MAP1B: variants seen among roughly 807,000 people sequenced by gnomAD.
The protein encoded by MAP1B is microtubule-associated protein 1B.
In MAP1B, 12 loss-of-function variants were observed where a neutral mutation model predicts 176.1. The ratio of observed to expected loss-of-function variants is 0.07; its 90% CI spans 0.04 to 0.11. The LOEUF (loss-of-function observed/expected upper bound fraction) is 0.11, where lower values mean the gene tolerates loss of function less well. Among genes scored for constraint, MAP1B ranks in the 10% least tolerant of loss-of-function variants. The pLI is 1.00. For missense variants in MAP1B, 2,523 were observed against 2,990.5 expected, an observed-to-expected ratio of 0.84 and a Z score of 3.65; for synonymous variants, 1,044 against 1,135.0, an observed-to-expected ratio of 0.92 and a Z score of 1.61.
chr5:72,167,294 A>T (rs905790855), intron 2 of MAP1B, among the ~76,000 whole-genome samples: 6 of 152,316 alleles, frequency 3.9e-5, no homozygotes, highest in African/African-American at 9.6e-5. Context: ...GATTTTTTTT[A>T]AAACAAGAAG....
At chr5:72,182,023 C>CTTTTTTTTTTTT (rs34251206) in intron 2 of MAP1B, among the ~76,000 whole-genome samples, 2 of 94,762 alleles carry the variant, frequency 2.1e-5, no homozygotes, top group Non-Finnish European at 4.0e-5. Flanking sequence ...CGCACCTGGC[C>CTTTTTTTTTTTT]TTTTTTTTTT....
At position 72,107,866 on chromosome 5, in the gene MAP1B, C is replaced by T. The variant is rs1381388301; in HGVS notation, c.184+151C>T. On this transcript the variant is annotated intron_variant, in intron 1 of 6. Transcript: ENST00000296755. ...ATACTTGGTCCAGACCCTTTCTGGG[C>T]TAATTAAGAATAATCCGAATTATTA... is the stretch of plus-strand genomic sequence containing the variant. 3 of 773,806 alleles carry T rather than the reference C, an allele frequency of 3.9e-6. No individual in the cohort carries two copies. The African/African-American group carries it at 5.3e-5, about 14-fold the overall frequency. The allele number at this position is 773,806 out of a possible 1,614,324, so 47.9% of individuals were successfully genotyped here. A position where few individuals can be genotyped will look rare whatever the true frequency, so the allele number is the denominator to read the frequency against.
rs145156579 is a variant in MAP1B, at chr5:72,144,429, T to G, written c.286+28630T>G. On this transcript the variant is annotated intron_variant, in intron 2 of 6. Transcript: ENST00000296755. ...TTCAAAGCTAAATTTTAAGTTTTCT[T>G]TTCAGAGACAGGATGGTGCAGGGAT... 1.3e-3 allele frequency among the ~76,000 whole-genome samples: 204 copies of G among 152,292 alleles called. 1 individual carries two copies. Among genetic ancestry groups the G allele is most frequent in the Non-Finnish European group, 2.0e-3 (137 of 68,030 alleles).
chr5:72,122,361 G>GCT (rs1436494864), intron 2 of MAP1B, among the ~76,000 whole-genome samples: 1 of 152,120 alleles, frequency 6.6e-6, no homozygotes, highest in Non-Finnish European at 1.5e-5. Context: ...TCCTTTTCTA[G>GCT]CGGTGAAAGA....
At chr5:72,203,162 C>T (rs983701466) in intron 5 of MAP1B, among the ~76,000 whole-genome samples, 15 of 152,168 alleles carry the variant, frequency 9.9e-5, no homozygotes, top group African/African-American at 3.1e-4. Flanking sequence ...CAAATACAGA[C>T]GTTTTCTTTT....
At position 72,177,808 on chromosome 5, in the gene MAP1B, C is replaced by CA. The variant is rs139904799; in HGVS notation, c.287-5933dup. On this transcript the variant is annotated intron_variant, in intron 2 of 6. Transcript: ENST00000296755. The stretch of plus-strand genomic sequence containing the variant: ...TAGCCATTTAGCTAAATTTTACTCT[C>CA]AAGAGTGTTTTTTGCACGAGGGGTT... 4.6e-3 allele frequency among the ~76,000 whole-genome samples: 698 copies of CA among 152,324 alleles called. 5 individuals are homozygous for CA. Among genetic ancestry groups the CA allele is most frequent in the African/African-American group, 0.016 (681 of 41,576 alleles).
chr5:72,196,862 G>T lies in MAP1B; in HGVS notation c.3507G>T (p.Leu1169Phe). The change falls in exon 5 of 7, where the codon TTG becomes TTT. Residue 1169 changes from leucine to phenylalanine, a missense_variant. Physicochemically the swap from Leu to Phe is conservative, Grantham distance 22 (BLOSUM62 0). Around this residue, in one of 4 missense-constraint regions of MAP1B, gnomAD observed 1,925 missense variants for 2,126.0 expected, o/e 0.91. Coordinates refer to ENST00000296755, the MANE Select transcript of MAP1B (RefSeq NM_005909.5). The surrounding 1 kb of genome is among the most constrained non-coding windows in gnomAD (Gnocchi z 5.3). ...FVNITKYESS[L>F]YSQEYSKPAD... ...ATATCACCAAATATGAATCTTCATT[G>T]TATTCTCAGGAATACTCTAAACCTG... 1 of 1,614,148 alleles carries T rather than the reference G, an allele frequency of 6.2e-7. No individual in the cohort carries two copies. Among genetic ancestry groups the T allele is most frequent in the Non-Finnish European group, 8.5e-7 (1 of 1,180,028 alleles).
intron 2 of MAP1B, among the ~76,000 whole-genome samples, chr5:72,180,643 TTGTC>T (rs1746745817): frequency 6.6e-6 from 1 of 152,232 alleles, no homozygotes. Context: ...CCTCCGTTCT[TTGTC>T]TGCTCAAACT....
At chr5:72,182,910 C>G (rs1746807967) in intron 2 of MAP1B, among the ~76,000 whole-genome samples, 1 of 152,174 alleles carries the variant, frequency 6.6e-6, no homozygotes, top group Non-Finnish European at 1.5e-5. Flanking sequence ...ATCCCATTGT[C>G]CAGGGAGGGG....
At chr5:72,161,646 A>C (rs1205196341) in intron 2 of MAP1B, among the ~76,000 whole-genome samples, 2 of 152,116 alleles carry the variant, frequency 1.3e-5, no homozygotes, top group African/African-American at 4.8e-5. Flanking sequence ...GGTGTGCTGA[A>C]AACATAGGTG....
intron 1 of MAP1B, among the ~76,000 whole-genome samples, chr5:72,114,407 G>A (rs1289125753): frequency 6.6e-6 from 1 of 152,078 alleles, no homozygotes; most frequent in Admixed American, 6.5e-5. Context: ...TACATGACTG[G>A]GTGTTAATTT....
rs1747096773 is a variant in MAP1B, at chr5:72,194,369, C to T, written c.1014C>T (p.Gly338=). Residue 338 remains glycine (G), a synonymous_variant, in exon 5 of 7, where the codon GGC becomes GGT. Coordinates refer to ENST00000296755, the MANE Select transcript of MAP1B (RefSeq NM_005909.5). The surrounding 1 kb of genome is among the most constrained non-coding windows in gnomAD (Gnocchi z 7.2). ...AGCTCGAGGAAGAACAGTCCCAGGG[C>T]TCCACCACAAATAGTGACTGGATGA... The part of the protein sequence containing the change: ...IAELEEEQSQ[G]STTNSDWMKN... 1 of 1,614,080 alleles carries T rather than the reference C, an allele frequency of 6.2e-7. No homozygotes were observed. Among genetic ancestry groups the T allele is most frequent in the Admixed American group, 1.7e-5 (1 of 60,002 alleles).
At chr5:72,134,711 C>T (rs1269069086) in intron 2 of MAP1B, among the ~76,000 whole-genome samples, 2 of 151,802 alleles carry the variant, frequency 1.3e-5, no homozygotes, top group Non-Finnish European at 2.9e-5. Flanking sequence ...TGGGAAATCT[C>T]CTCCTTTTCT....
At chr5:72,146,427 C>T (rs1159201930) in intron 2 of MAP1B, among the ~76,000 whole-genome samples, 1 of 152,200 alleles carries the variant, frequency 6.6e-6, no homozygotes, top group African/African-American at 2.4e-5. Context: ...CTCTGTGAAG[C>T]CAGCCTGCGT....
At chr5:72,109,940 A>G (rs1347749589) in intron 1 of MAP1B, among the ~76,000 whole-genome samples, 2 of 152,246 alleles carry the variant, frequency 1.3e-5, no homozygotes, top group Non-Finnish European at 2.9e-5. Flanking sequence ...GAGGGTTTAT[A>G]CAAGCTGCAT....
chr5:72,194,958 C>T lies in MAP1B; in HGVS notation c.1603C>T (p.Leu535=), dbSNP rs144910246. 2.6e-4 allele frequency: 417 copies of T among 1,614,040 alleles called. No individual in the cohort carries two copies. Among genetic ancestry groups the T allele is most frequent in the Non-Finnish European group, 3.3e-4 (395 of 1,180,036 alleles). ...CACTCCTGTGGTGAAACAAACAAAA[C>T]TGAAACAGAGGGCTGATAGCCGAGA... ...VPTPVVKQTK[L]KQRADSRESL... Residue 535 remains leucine, a synonymous_variant, in exon 5 of 7, where the codon CTG becomes TTG. Coordinates refer to ENST00000296755, the MANE Select transcript of MAP1B (RefSeq NM_005909.5). The surrounding 1 kb of genome is among the most constrained non-coding windows in gnomAD (Gnocchi z 7.2).
Position 72,130,346 on chromosome 5 carries a change from G to A in MAP1B, c.286+14547G>A, listed in dbSNP as rs570523000. On this transcript the variant is annotated intron_variant, in intron 2 of 6. Coordinates refer to ENST00000296755, the MANE Select transcript of MAP1B (RefSeq NM_005909.5). The stretch of plus-strand genomic sequence containing the variant: ...GGAATGCAATTATCTTTTAACCATC[G>A]AAATAGGGAGGCCTTAGGCTAATTA... Among the ~76,000 whole-genome samples the A allele has an allele frequency of 2.0e-5, 3 of 152,196 alleles. No individual in the cohort carries two copies. In the South Asian group the frequency reaches 6.2e-4, roughly 32 times the overall value.
At chr5:72,189,903 T>G (rs754443522) in intron 4 of MAP1B, among the ~76,000 whole-genome samples, 3 of 152,068 alleles carry the variant, frequency 2.0e-5, no homozygotes, top group Non-Finnish European at 4.4e-5. Flanking sequence ...TTAGAGGTAT[T>G]TGAAGCCCAG....
Position 72,194,887 on chromosome 5 carries a change from T to G in MAP1B, c.1532T>G (p.Leu511Arg). Residue 511 changes from leucine to arginine, a missense_variant, in exon 5 of 7, where the codon CTG becomes CGG. Coordinates refer to ENST00000296755, the MANE Select transcript of MAP1B (RefSeq NM_005909.5). The surrounding 1 kb of genome is among the most constrained non-coding windows in gnomAD (Gnocchi z 7.2). Reference sequence around the variant, plus strand: ...GAAAAGCTCAAACATCTAGACTTTCTGAAGCAGCCACTGGCCACCCAAAAG... The same window carrying G: ...GAAAAGCTCAAACATCTAGACTTTCGGAAGCAGCCACTGGCCACCCAAAAG... Reference protein sequence around the residue: ...GLEKLKHLDFLKQPLATQKDL... With the variant: ...GLEKLKHLDFRKQPLATQKDL... 1 of 1,614,120 alleles carries G rather than the reference T, an allele frequency of 6.2e-7. No homozygotes were observed. The highest frequency in any genetic ancestry group is 8.5e-7 in the Non-Finnish European group (1 of 1,180,000).
Sources: gnomAD v4.1 joint callset for allele counts (sites outside exome capture counted in the v4.1 genomes callset) on GRCh38, gnomAD v4.1.1 for gene constraint, gnomAD v4.1.1 regional missense constraint, Gnocchi (gnomAD v3.1) non-coding constraint, MANE v1.5 for transcripts, NCBI Gene and HGNC (gene_info 2026-07-23, HGNC 2026-07-21) for gene names.